ARHGAP22: variants seen among roughly 807,000 people sequenced by gnomAD.
ARHGAP22 encodes Rho GTPase activating protein 22, also known as rho GTPase-activating protein 22.
A neutral mutation model predicts 59.1 loss-of-function variants in ARHGAP22; 48 were observed. That is an observed-to-expected ratio of 0.81 (90% CI 0.64 to 1.03). The LOEUF (loss-of-function observed/expected upper bound fraction) is 1.03. ARHGAP22 is among the 50% of genes least tolerant of loss of function. ARHGAP22 has a pLI of 0.00. For synonymous variants in ARHGAP22, 445 were observed against 416.4 expected, an observed-to-expected ratio of 1.07 and a Z score of -0.84; for missense variants, 1,015 against 958.7, an observed-to-expected ratio of 1.06 and a Z score of -0.78.
chr10:48,440,867 T>C, the ARHGAP22 span, among the ~76,000 whole-genome samples: 1 of 152,092 alleles, frequency 6.6e-6, no homozygotes, highest in African/African-American at 2.4e-5. Flanking sequence ...GATAGCCAGT[T>C]GAGAGAAGGG....
chr10:48,536,746 C>T (rs774404083), intron 3 of ARHGAP22, among the ~76,000 whole-genome samples: 1 of 152,246 alleles, frequency 6.6e-6, no homozygotes, highest in Non-Finnish European at 1.5e-5. Context: ...CATGTAGGAA[C>T]AGCGGTGTTT....
At chr10:48,442,076 T>C (rs1316472302), downstream of ARHGAP22, among the ~76,000 whole-genome samples, 1 of 152,212 alleles carries the variant, frequency 6.6e-6, no homozygotes, top group East Asian at 1.9e-4. Flanking sequence ...AAATGCAACA[T>C]TCATGGCCCT....
intron 3 of ARHGAP22, among the ~76,000 whole-genome samples, chr10:48,541,539 G>A (rs1198665798): frequency 6.6e-6 from 1 of 152,178 alleles, no homozygotes; most frequent in African/African-American, 2.4e-5. Context: ...CTGGAGTCTA[G>A]ATCCATGCAG....
chr10:48,559,640 G>A (rs2057555285), intron 2 of ARHGAP22, among the ~76,000 whole-genome samples: 1 of 152,154 alleles, frequency 6.6e-6, no homozygotes, highest in Non-Finnish European at 1.5e-5. Flanking sequence ...TTTAAATGGA[G>A]AATCTTATGA....
At chr10:48,555,587 G>GA (rs781271292) in intron 2 of ARHGAP22, 37 bp from the exon 3 acceptor site, 119 of 1,595,888 alleles carry the variant, frequency 7.5e-5, no homozygotes, top group Non-Finnish European at 1.0e-4. Context: ...GGGAGCATGA[G>GA]ATGATGGGGA....
chr10:48,530,923 A>G (rs1158944220), intron 3 of ARHGAP22, among the ~76,000 whole-genome samples: 1 of 152,236 alleles, frequency 6.6e-6, no homozygotes, highest in Non-Finnish European at 1.5e-5. Context: ...ACTACTGGCT[A>G]TCTACCCAGA....
intron 1 of ARHGAP22, among the ~76,000 whole-genome samples, chr10:48,650,146 C>CTTTTTTTTTTTTTTTTTTTTTT (rs11386532): frequency 1.2e-5 from 1 of 82,058 alleles, no homozygotes; most frequent in Non-Finnish European, 2.3e-5. Flanking sequence ...GCTGGAGACT[C>CTTTTTTTTTTTTTTTTTTTTTT]TTTTTTTTTT....
At chr10:48,432,244 A>G in the ARHGAP22 span, among the ~76,000 whole-genome samples, 1 of 152,240 alleles carries the variant, frequency 6.6e-6, no homozygotes, top group Non-Finnish European at 1.5e-5. Flanking sequence ...TTTGAGGAAA[A>G]AAATAGATGT....
chr10:48,446,000 C>G (rs1001917862), downstream of ARHGAP22: 1 of 268,810 alleles, frequency 3.7e-6, no homozygotes, highest in Admixed American at 5.0e-5. Context: ...TCCTGTATTG[C>G]GAGGCATGAA....
At chr10:48,499,115 C>T (rs1274834323) in intron 3 of ARHGAP22, among the ~76,000 whole-genome samples, 4 of 152,236 alleles carry the variant, frequency 2.6e-5, no homozygotes, top group African/African-American at 9.6e-5. Flanking sequence ...AGGGGGAGGC[C>T]ATGTCCTCAT....
At chr10:48,485,791 T>C (rs1022057654) in intron 3 of ARHGAP22, among the ~76,000 whole-genome samples, 1 of 152,214 alleles carries the variant, frequency 6.6e-6, no homozygotes, top group Non-Finnish European at 1.5e-5. Flanking sequence ...TCTGAAATCC[T>C]TGATATAAAT....
At chr10:48,600,362 C>T (rs753950592) in intron 1 of ARHGAP22, among the ~76,000 whole-genome samples, 61 of 152,106 alleles carry the variant, frequency 4.0e-4, no homozygotes, top group Admixed American at 7.2e-4. Flanking sequence ...GGTTGGGAGA[C>T]GAGCCAGGGT....
At chr10:48,652,200 TC>T (rs1418777129) in intron 1 of ARHGAP22, 1 of 1,522,568 alleles carries the variant, frequency 6.6e-7, no homozygotes, top group East Asian at 2.5e-5. Flanking sequence ...GCAAAGGTAA[TC>T]ATTTCCCACA....
At chr10:48,539,291 A>ATTTTTTTTTTTTTTTTTTTTTTTTT (rs56801787) in intron 3 of ARHGAP22, among the ~76,000 whole-genome samples, 1 of 136,262 alleles carries the variant, frequency 7.3e-6, no homozygotes, top group African/African-American at 2.8e-5. Context: ...GAAGGGTAAC[A>ATTTTTTTTTTTTTTTTTTTTTTTTT]TTTTTTTTTT....
At position 48,479,729 on chromosome 10, in the gene ARHGAP22, G is replaced by T. The variant is rs756099591; in HGVS notation, c.358C>A (p.Pro120Thr). ...AGEREKVPAN[P>T]EALLLMASSQ... ...CTGGCCATGAGCAGGAGCGCCTCGG[G>T]GTTGGCCGGCACCTTCTCCCGCTCC... Residue 120 changes from proline (P) to threonine (T), a missense_variant, in exon 4 of 10, where the codon CCC becomes ACC. By Grantham distance (38) the Pro-to-Thr change is conservative. Coordinates refer to ENST00000249601, the MANE Select transcript of ARHGAP22 (RefSeq NM_021226.4). The T allele has an allele frequency of 1.4e-5, 22 of 1,602,326 alleles. No homozygotes were observed. The South Asian group carries it at 2.3e-4, about 17-fold the overall frequency.
chr10:48,441,185 T>G (rs2045192634), downstream of ARHGAP22, among the ~76,000 whole-genome samples: 1 of 152,126 alleles, frequency 6.6e-6, no homozygotes, highest in African/African-American at 2.4e-5. Context: ...AGGTCTGTGT[T>G]GTTTGCTTGT....
intron 3 of ARHGAP22, among the ~76,000 whole-genome samples, chr10:48,492,201 A>G (rs2050469186): frequency 1.3e-5 from 2 of 152,346 alleles, no homozygotes; most frequent in East Asian, 1.9e-4. Context: ...AAAGTTGTCA[A>G]TTGATCAAAT....
At chr10:48,619,058 G>A (rs562558944) in intron 1 of ARHGAP22, among the ~76,000 whole-genome samples, 7 of 151,792 alleles carry the variant, frequency 4.6e-5, no homozygotes, top group East Asian at 1.9e-4. Context: ...CACCAAAAAC[G>A]AACTAGTGGA....
chr10:48,547,877 A>G (rs2056582539), intron 3 of ARHGAP22, among the ~76,000 whole-genome samples: 1 of 152,184 alleles, frequency 6.6e-6, no homozygotes, highest in Non-Finnish European at 1.5e-5. Flanking sequence ...GCAGAAATAC[A>G]GTCATGGACC....
Sources: gnomAD v4.1 joint callset for allele counts (sites outside exome capture counted in the v4.1 genomes callset) on GRCh38, gnomAD v4.1.1 for gene constraint, MANE v1.5 for transcripts, NCBI Gene and HGNC (gene_info 2026-07-23, HGNC 2026-07-21) for gene names.